The following STARD13 variants were observed in gnomAD, a reference collection of about 807,000 sequenced individuals.
STARD13 encodes StAR related lipid transfer domain containing 13.
Under a neutral mutation model 106.4 loss-of-function variants are expected in STARD13, and 62 were observed. The observed-to-expected ratio is 0.58, with a 90% CI of 0.48 to 0.72. The LOEUF is 0.72. Ranked by LOEUF, STARD13 falls within the 30% of genes least tolerant of loss-of-function variation. The pLI is 0.00. For missense variants in STARD13, 1,387 were observed against 1,424.0 expected (o/e 0.97, Z 0.42); for synonymous variants, 565 against 553.0 (o/e 1.02, Z -0.31).
intron 8 of STARD13, among the ~76,000 whole-genome samples, chr13:33,116,246 G>T (rs372538085): frequency 3.3e-5 from 5 of 152,242 alleles, no homozygotes; most frequent in African/African-American, 1.2e-4. Context: ...CTGCCGAGCA[G>T]GTACCCAAAA....
chr13:33,379,745 G>A, the STARD13 span, among the ~76,000 whole-genome samples: 1 of 152,176 alleles, frequency 6.6e-6, no homozygotes, highest in South Asian at 2.1e-4. Flanking sequence ...CTTCCCCAAG[G>A]TCACACAGCA....
chr13:33,230,096 G>A (rs1333436732), intron 1 of STARD13, among the ~76,000 whole-genome samples: 1 of 152,196 alleles, frequency 6.6e-6, no homozygotes, highest in Non-Finnish European at 1.5e-5. Flanking sequence ...CAATTATTGG[G>A]AGCAGATGGT....
chr13:33,167,461 A>G, intron 2 of STARD13, 90 bp downstream of exon 2: 1 of 1,403,180 alleles, frequency 7.1e-7, no homozygotes, highest in Non-Finnish European at 9.9e-7. Flanking sequence ...GCGAGAAAAA[A>G]AAATCTGGAA....
intron 4 of STARD13, chr13:33,138,791 G>T: frequency 2.2e-6 from 1 of 456,746 alleles, no homozygotes; most frequent in Non-Finnish European, 4.4e-6. Flanking sequence ...CTAAGCTCGA[G>T]AATACTCCTC....
the STARD13 span, among the ~76,000 whole-genome samples, chr13:33,377,174 A>G: frequency 6.6e-6 from 1 of 152,264 alleles, no homozygotes; most frequent in African/African-American, 2.4e-5. Flanking sequence ...AGCAAAAGCT[A>G]TAAGCATCTC....
At chr13:33,670,333 T>G in the STARD13 span, among the ~76,000 whole-genome samples, 8 of 152,344 alleles carry the variant, frequency 5.3e-5, no homozygotes, top group South Asian at 1.7e-3. Context: ...GCAGCGCTAA[T>G]GCAACTAGGC....
chr13:33,107,445 T>A (rs745616254), intron 12 of STARD13, among the ~76,000 whole-genome samples: 1 of 151,962 alleles, frequency 6.6e-6, no homozygotes, highest in African/African-American at 2.4e-5. Context: ...TGGGATCACA[T>A]AGAGGGGGCT....
intron 1 of STARD13, chr13:33,185,820 A>G (rs2138477085): frequency 6.4e-7 from 1 of 1,574,770 alleles, no homozygotes. Context: ...AAGGCTAAGT[A>G]ACAAGTTCAC....
chr13:33,148,300 CAG>C (rs1393946233), intron 3 of STARD13, among the ~76,000 whole-genome samples: 1 of 152,102 alleles, frequency 6.6e-6, no homozygotes, highest in African/African-American at 2.4e-5. Context: ...AAGCTATATA[CAG>C]AGAGAGCATA....
chr13:33,599,969 T>A, the STARD13 span, among the ~76,000 whole-genome samples: 4 of 152,196 alleles, frequency 2.6e-5, no homozygotes, highest in Non-Finnish European at 4.4e-5. Context: ...CGCCCCTTTA[T>A]ACCAAAGAGA....
the STARD13 span, among the ~76,000 whole-genome samples, chr13:33,385,440 G>A: frequency 7.7e-6 from 1 of 129,788 alleles, no homozygotes; most frequent in African/African-American, 3.0e-5. Flanking sequence ...ACTGGTAACT[G>A]AGTAAAAGAG....
chr13:33,356,515 A>C, the STARD13 span, among the ~76,000 whole-genome samples: 1 of 152,198 alleles, frequency 6.6e-6, no homozygotes, highest in East Asian at 1.9e-4. Flanking sequence ...GGTTCATACC[A>C]TGGCTCCGCA....
downstream of STARD13, among the ~76,000 whole-genome samples, chr13:33,345,080 A>T (rs567815458): frequency 2.0e-5 from 3 of 152,136 alleles, no homozygotes; most frequent in South Asian, 6.2e-4. Flanking sequence ...ATAACCTGTC[A>T]CTCTCCCACC....
chr13:33,364,172 A>G, the STARD13 span, among the ~76,000 whole-genome samples: 1 of 152,058 alleles, frequency 6.6e-6, no homozygotes, highest in Non-Finnish European at 1.5e-5. Flanking sequence ...TCATAGATTA[A>G]CCCCTTCCCT....
intron 4 of STARD13, chr13:33,138,901 C>G (rs2858805): frequency 0.36 from 166,725 of 465,332 alleles, 31,614 homozygotes; most frequent in Non-Finnish European, 0.43. Flanking sequence ...GGGAGGGTAG[C>G]GGTGTTGTCA....
chr13:33,547,889 T>C, the STARD13 span, among the ~76,000 whole-genome samples: 2 of 152,158 alleles, frequency 1.3e-5, no homozygotes, highest in Non-Finnish European at 2.9e-5. Context: ...AGATGATTAG[T>C]AGGTTAATGA....
At chr13:33,614,270 C>CGTGTGTGTGTGTGTGT in the STARD13 span, among the ~76,000 whole-genome samples, 23,803 of 145,080 alleles carry the variant, frequency 0.16, 2,198 homozygotes, top group South Asian at 0.21. Context: ...ATACATTCTC[C>CGTGTGTGTGTGTGTGT]GTGTGTGTGT....
chr13:33,205,995 G>C (rs1199596209), intron 1 of STARD13: 41 of 985,242 alleles, frequency 4.2e-5, no homozygotes, highest in Non-Finnish European at 4.8e-5. Flanking sequence ...GTGCTTGGCT[G>C]TTGTCTGTGA....
intron 1 of STARD13, among the ~76,000 whole-genome samples, chr13:33,261,144 T>C (rs1175720205): frequency 6.6e-6 from 1 of 152,234 alleles, no homozygotes; most frequent in Non-Finnish European, 1.5e-5. Context: ...CTTATTTTTA[T>C]TTAGCTCAAT....
Sources: allele counts gnomAD v4.1 joint callset (sites outside exome capture counted in the v4.1 genomes callset), GRCh38; gene constraint gnomAD v4.1.1; transcripts MANE v1.5; gene names NCBI Gene and HGNC (gene_info 2026-07-23, HGNC 2026-07-21).